SPNS2: variants seen among roughly 807,000 people sequenced by gnomAD.
The protein encoded by SPNS2 is SPNS lysolipid transporter 2, sphingosine-1-phosphate, also known as sphingosine-1-phosphate transporter SPNS2.
Under a neutral mutation model 57.6 loss-of-function variants are expected in SPNS2, and 37 were observed. The ratio of observed to expected loss-of-function variants is 0.64; its 90% CI spans 0.49 to 0.85. The LOEUF is 0.85. Ranked by LOEUF, SPNS2 falls within the 40% of genes least tolerant of loss-of-function variation. The probability of loss-of-function intolerance (pLI) is 0.00; values close to 1 mark genes in which losing one functional copy is unlikely to be tolerated. For synonymous variants in SPNS2, 440 were observed against 346.9 expected (o/e 1.27, Z -2.98); for missense variants, 831 against 779.1 (o/e 1.07, Z -0.79).
intron 9 of SPNS2, among the ~76,000 whole-genome samples, chr17:4,535,629 C>T (rs1905742525): frequency 6.6e-6 from 1 of 152,112 alleles, no homozygotes; most frequent in Non-Finnish European, 1.5e-5. Flanking sequence ...GGCTAATGGC[C>T]TCTAGTGACT....
chr17:4,535,024 C>G (rs1306108373), intron 9 of SPNS2, among the ~76,000 whole-genome samples: 1 of 152,232 alleles, frequency 6.6e-6, no homozygotes, highest in Admixed American at 6.5e-5. Context: ...CCCCCCACCT[C>G]TCCCGCAACG....
chr17:4,525,303 C>T, intron 3 of SPNS2, 110 bp downstream of exon 3: 3 of 1,438,748 alleles, frequency 2.1e-6, no homozygotes, highest in Non-Finnish European at 2.8e-6. Flanking sequence ...AGCTCCTTTG[C>T]TTGAACCCCA....
rs996779556 is a variant in SPNS2 at position 4,538,327 on chromosome 17, A to C, written c.*879A>C. ...GCAGGGCCCAGGAGACCATTCCCAG[A>C]ATCCATGGGGCAGTAGCCAGGGCTC... is the stretch of plus-strand genomic sequence containing the variant. On this transcript the variant is annotated 3_prime_UTR_variant, in exon 13 of 13. Transcript: ENST00000329078. 1.6e-4 allele frequency: 29 copies of C among 179,020 alleles called. No homozygotes were observed. The highest frequency in any genetic ancestry group is 1.6e-3 in the Admixed American group (29 of 18,146). The allele number at this position is 179,020 out of a possible 1,614,324, so 11.1% of individuals were successfully genotyped here. A position where few individuals can be genotyped will look rare whatever the true frequency, so the allele number is the denominator to read the frequency against.
At chr17:4,522,874 A>G (rs2144343265) in intron 2 of SPNS2, among the ~76,000 whole-genome samples, 1 of 152,268 alleles carries the variant, frequency 6.6e-6, no homozygotes, top group Middle Eastern at 3.4e-3. Flanking sequence ...CTCCCTGTGG[A>G]ATCTTCTAAA....
rs114738549 is a variant in SPNS2, at chr17:4,535,319, G to C, written c.1345-757G>C. ...CCCGCGGGTGCGAGCGGAGGCTCTT[G>C]CAGGCAGGGGCCTGCCTCACCAGCT... On this transcript the variant is annotated intron_variant, in intron 9 of 12. Transcript: ENST00000329078. 8.2e-3 allele frequency among the ~76,000 whole-genome samples: 1,248 copies of C among 152,306 alleles called. 16 individuals carry two copies. Among genetic ancestry groups the C allele is most frequent in the African/African-American group, 0.028 (1,175 of 41,576 alleles).
At chr17:4,537,204 G>C (rs1213324365) in intron 12 of SPNS2, among the ~76,000 whole-genome samples, 1 of 152,192 alleles carries the variant, frequency 6.6e-6, no homozygotes, top group Non-Finnish European at 1.5e-5. Flanking sequence ...TCAGGGCCAG[G>C]ACTGGCCAGG....
At position 4,538,626 on chromosome 17, in the gene SPNS2, C is replaced by CGGGGG. The variant is rs1906015499; in HGVS notation, c.*1179_*1183dup. 1 of 473,358 alleles carries CGGGGG rather than the reference C, an allele frequency of 2.1e-6. No individual in the cohort carries two copies. Among genetic ancestry groups the CGGGGG allele is most frequent in the Non-Finnish European group, 3.8e-6 (1 of 263,428 alleles). The allele number at this position is 473,358 out of a possible 1,614,324, so 29.3% of individuals were successfully genotyped here. ...TGCTGCAATCAAGGTGGTTCTGGTG[C>CGGGGG]GGGGGTGGGGTGGGGGGTGAGGCCT... On this transcript the variant is annotated 3_prime_UTR_variant, in exon 13 of 13. Transcript: ENST00000329078.
intron 1 of SPNS2, among the ~76,000 whole-genome samples, chr17:4,507,340 A>C (rs1205058509): frequency 7.2e-5 from 11 of 152,254 alleles, no homozygotes; most frequent in Non-Finnish European, 1.5e-5. Context: ...CATTTTGGAT[A>C]AAAGAAAACC....
intron 3 of SPNS2, among the ~76,000 whole-genome samples, chr17:4,527,041 G>C (rs892016621): frequency 6.6e-6 from 1 of 152,218 alleles, no homozygotes; most frequent in African/African-American, 2.4e-5. Context: ...GTAAGTCTAG[G>C]ACCACCATGC....
At chr17:4,530,582 G>A (rs775029992) in intron 3 of SPNS2, 50 bp from the exon 4 acceptor site, 1 of 1,577,960 alleles carries the variant, frequency 6.3e-7, no homozygotes, top group South Asian at 1.2e-5. Context: ...AGGGATGACA[G>A]GCAGACGGTG....
intron 1 of SPNS2, among the ~76,000 whole-genome samples, chr17:4,502,351 G>A (rs1904543158): frequency 6.7e-6 from 1 of 149,420 alleles, no homozygotes; most frequent in African/African-American, 2.5e-5. Flanking sequence ...CTGTACTCCA[G>A]CCTGGGTGAC....
Position 4,514,182 on chromosome 17 carries a change from C to T in SPNS2, c.436+870C>T, listed in dbSNP as rs138467816. On this transcript the variant is annotated intron_variant, in intron 2 of 12. Transcript: ENST00000329078. ...CAGTGCTGCCACTCAGGGCTTGGGGCGGGAGGCCTGGTCCTGACTCTGCCC... is the reference window on the plus strand; with the variant it reads ...CAGTGCTGCCACTCAGGGCTTGGGGTGGGAGGCCTGGTCCTGACTCTGCCC... 1.0e-3 allele frequency among the ~76,000 whole-genome samples: 158 copies of T among 152,342 alleles called. No individual in the cohort carries two copies. The Middle Eastern group carries it at 0.027, about 26-fold the overall frequency.
chr17:4,499,873 C>A lies in SPNS2; in HGVS notation c.370+456C>A, dbSNP rs553003340. On this transcript the variant is annotated intron_variant, in intron 1 of 12. Transcript: ENST00000329078. The surrounding 1 kb of genome is among the most constrained non-coding windows in gnomAD (Gnocchi z 5.2). ...TTCCTTTCTCCGCCGCCTCCACCCC[C>A]CTGCGTGCGTGCGGCGAGTGCGCGC... Among the ~76,000 whole-genome samples the A allele has an allele frequency of 3.9e-5, 6 of 152,332 alleles. No homozygotes were observed. The South Asian group carries it at 6.2e-4, about 16-fold the overall frequency.
intron 1 of SPNS2, among the ~76,000 whole-genome samples, chr17:4,504,112 T>C (rs1404467154): frequency 6.6e-6 from 1 of 152,104 alleles, no homozygotes; most frequent in Non-Finnish European, 1.5e-5. Flanking sequence ...TGTGGCTCTG[T>C]GGCTCTCTCT....
intron 9 of SPNS2, among the ~76,000 whole-genome samples, chr17:4,534,176 C>G (rs1319998520): frequency 3.9e-5 from 6 of 152,302 alleles, no homozygotes; most frequent in East Asian, 3.9e-4. Context: ...CCTCCTCCCC[C>G]CGCTGGGTCT....
Position 4,530,634 on chromosome 17 carries a change from C to A in SPNS2, c.576C>A (p.Tyr192Ter). ...TFSSSFIPQQ[Y>*]FWLLVLSRGL... ...GCATCCTCCACCCCTCCTCACAGTA[C>A]TTCTGGCTGCTGGTCCTGTCCCGGG... The change falls in exon 4 of 13, where the codon TAC (tyrosine) becomes TAA (stop). Residue 192 changes from tyrosine (Y) to a stop codon, truncating the protein, a stop_gained and splice_region_variant. Coordinates refer to ENST00000329078, the MANE Select transcript of SPNS2 (RefSeq NM_001124758.3). LOFTEE classifies it high-confidence loss of function. 1 of 1,611,590 alleles carries A rather than the reference C, an allele frequency of 6.2e-7. No homozygotes were observed.
Position 4,531,050 on chromosome 17 carries a change from C to T in SPNS2, c.726-3C>T, listed in dbSNP as rs72830093. 0.025 allele frequency: 40,320 copies of T among 1,613,880 alleles called. 541 individuals are homozygous for T. Among genetic ancestry groups the T allele is most frequent in the Non-Finnish European group, 0.029 (33,745 of 1,179,878 alleles). ...CAGCCTGACGTGTGTCTCTTCTCTG[C>T]AGTGGCCTGGGCTACATTACTGGCT... On this transcript the variant is annotated splice_polypyrimidine_tract_variant and splice_region_variant and intron_variant, in intron 4 of 12. Coordinates refer to ENST00000329078, the MANE Select transcript of SPNS2 (RefSeq NM_001124758.3).
intron 2 of SPNS2, among the ~76,000 whole-genome samples, chr17:4,519,930 G>T (rs540629742): frequency 1.3e-5 from 2 of 152,264 alleles, no homozygotes; most frequent in South Asian, 4.2e-4. Context: ...GCCCCTCCAT[G>T]GCCTGTGACC....
intron 5 of SPNS2, among the ~76,000 whole-genome samples, chr17:4,532,261 A>C (rs752587265): frequency 6.6e-6 from 1 of 150,942 alleles, no homozygotes. Flanking sequence ...CCACTGCTCC[A>C]CTCACCCACC....
Sources: gnomAD v4.1 joint callset for allele counts (sites outside exome capture counted in the v4.1 genomes callset) on GRCh38, gnomAD v4.1.1 for gene constraint, Gnocchi (gnomAD v3.1) non-coding constraint, MANE v1.5 for transcripts, NCBI Gene and HGNC (gene_info 2026-07-23, HGNC 2026-07-21) for gene names.